The following EPHA3 variants were observed in gnomAD, a reference collection of about 807,000 sequenced individuals.
EPHA3 encodes the protein ephrin type-A receptor 3.
In EPHA3, 42 loss-of-function variants were observed where a neutral mutation model predicts 107.1. That is an observed-to-expected ratio of 0.39 (90% CI 0.31 to 0.51). EPHA3 has a LOEUF of 0.51. EPHA3 is among the 20% of genes least tolerant of loss of function. EPHA3 has a pLI of 0.78. For synonymous variants in EPHA3, 461 were observed against 424.8 expected (o/e 1.09, Z -1.05); for missense variants, 1,183 against 1,211.2 (o/e 0.98, Z 0.35).
intron 14 of EPHA3, 62 bp from the exon 15 acceptor site, chr3:89,450,115 C>T (rs571545983): frequency 5.3e-5 from 74 of 1,400,600 alleles, no homozygotes; most frequent in Non-Finnish European, 6.2e-5. Flanking sequence ...CCCATGAAAA[C>T]GTAAACTAAG....
chr3:89,131,863 A>T (rs1444043788), intron 2 of EPHA3, among the ~76,000 whole-genome samples: 1 of 152,174 alleles, frequency 6.6e-6, no homozygotes, highest in Non-Finnish European at 1.5e-5. Context: ...TTGCCCACCC[A>T]ATATCTGTTC....
chr3:89,299,264 A>C (rs1471355164), intron 3 of EPHA3, among the ~76,000 whole-genome samples: 2 of 152,100 alleles, frequency 1.3e-5, no homozygotes, highest in Non-Finnish European at 2.9e-5. Flanking sequence ...TATTATACTT[A>C]ATCAAGGTGG....
intron 2 of EPHA3, among the ~76,000 whole-genome samples, chr3:89,193,643 T>C (rs1705770064): frequency 3.3e-5 from 5 of 152,030 alleles, no homozygotes; most frequent in Admixed American, 3.3e-4. Flanking sequence ...CTCATTACCC[T>C]GATCTGTTCA....
At chr3:89,219,688 GTTTTTTTTTTTTTTGTTTTTTGTT>G (rs1428584900) in intron 3 of EPHA3, among the ~76,000 whole-genome samples, 1 of 34,440 alleles carries the variant, frequency 2.9e-5, no homozygotes, top group Non-Finnish European at 5.2e-5. Flanking sequence ...ATTTGGCAAT[GTTTTTTTTTTTTTTGTTTTTTGTT>G]TTTTTTTTTT....
intron 6 of EPHA3, among the ~76,000 whole-genome samples, chr3:89,398,777 C>A (rs1708898039): frequency 6.6e-6 from 1 of 152,138 alleles, no homozygotes; most frequent in Non-Finnish European, 1.5e-5. Context: ...GCTTTACATG[C>A]AGGACAGAAA....
chr3:89,140,569 A>G (rs1415385305), intron 2 of EPHA3, among the ~76,000 whole-genome samples: 1 of 151,734 alleles, frequency 6.6e-6, no homozygotes, highest in Non-Finnish European at 1.5e-5. Context: ...GAGCTTTATA[A>G]CTCCCAAAAA....
chr3:89,110,026 C>T (rs1464295925), intron 1 of EPHA3, among the ~76,000 whole-genome samples: 2 of 151,788 alleles, frequency 1.3e-5, no homozygotes, highest in African/African-American at 4.8e-5. Flanking sequence ...AAGTATGTGC[C>T]AAGATTTCCG....
rs762862387 is a variant in EPHA3, at chr3:89,395,995, AGGC to A, written c.1431+35_1431+37del. The stretch of plus-strand genomic sequence containing the variant: ...ACAATGTTTAAGGGTTGGGCTGTGT[AGGC>A]AAGAAGCTGTTTCCTCATGAGCTGT... On this transcript the variant is annotated intron_variant, in intron 6 of 16. Transcript: ENST00000336596. The A allele has an allele frequency of 1.9e-6, 3 of 1,609,272 alleles. No homozygotes were observed. The African/African-American group carries it at 4.0e-5, about 21-fold the overall frequency.
chr3:89,130,849 G>A (rs1468009672), intron 2 of EPHA3, among the ~76,000 whole-genome samples: 3 of 152,054 alleles, frequency 2.0e-5, no homozygotes, highest in Admixed American at 2.0e-4. Context: ...TGTAAGCCAA[G>A]ATGGACTCGA....
At chr3:89,408,394 A>G (rs759468200) in intron 9 of EPHA3, among the ~76,000 whole-genome samples, 14 of 152,170 alleles carry the variant, frequency 9.2e-5, no homozygotes, top group Non-Finnish European at 1.6e-4. Context: ...CATGCTAGGT[A>G]GTAGAAACTA....
chr3:89,393,672 C>T (rs1257771964), intron 5 of EPHA3, among the ~76,000 whole-genome samples: 1 of 152,072 alleles, frequency 6.6e-6, no homozygotes, highest in East Asian at 1.9e-4. Flanking sequence ...TAGATTTCCT[C>T]ATTGTAGAAA....
chr3:89,471,176 G>GA (rs529961766), intron 15 of EPHA3, among the ~76,000 whole-genome samples: 26,872 of 143,972 alleles, frequency 0.19, 2,896 homozygotes, highest in Non-Finnish European at 0.24. Context: ...AAGAGCTGAA[G>GA]AAAAAAAAAA....
Position 89,368,779 on chromosome 3 carries a change from G to A in EPHA3, c.1306+26689G>A, listed in dbSNP as rs1051122918. On this transcript the variant is annotated intron_variant, in intron 5 of 16. Transcript: ENST00000336596. ...ACTCAATCCATCTATTAAAATGCCC[G>A]TATCTTCTAGAAACACCCCCATAGA... Among the ~76,000 whole-genome samples, 19 of 149,866 alleles carry A rather than the reference G, an allele frequency of 1.3e-4. 1 individual carries two copies. The highest frequency in any genetic ancestry group is 2.7e-4 in the Non-Finnish European group (18 of 66,974).
Position 89,142,865 on chromosome 3 carries a change from A to G in EPHA3, c.153+15592A>G, listed in dbSNP as rs1182762088. Among the ~76,000 whole-genome samples, 4 of 151,420 alleles carry G rather than the reference A, an allele frequency of 2.6e-5. No individual in the cohort carries two copies. In the Admixed American group the frequency reaches 2.6e-4, roughly 10 times the overall value. The stretch of plus-strand genomic sequence containing the variant: ...TAGAGATCCCCTTTATGCCTTTTCA[A>G]AAAAGAGCATGGATCCGGCACAATG... On this transcript the variant is annotated intron_variant, in intron 2 of 16. Transcript: ENST00000336596.
chr3:89,359,453 T>G (rs1708039447), intron 5 of EPHA3, among the ~76,000 whole-genome samples: 1 of 150,578 alleles, frequency 6.6e-6, no homozygotes, highest in African/African-American at 2.4e-5. Context: ...ACATGCACAC[T>G]TTGTTGAGAA....
intron 2 of EPHA3, among the ~76,000 whole-genome samples, chr3:89,208,466 GAAAGAAAGAAA>G (rs1304606842): frequency 4.8e-4 from 61 of 128,030 alleles, no homozygotes; most frequent in Non-Finnish European, 7.0e-4. Context: ...AAGAAAGAAA[GAAAGAAAGAAA>G]GAAAGAGAAA....
chr3:89,331,479 C>T (rs1707287247), intron 3 of EPHA3, among the ~76,000 whole-genome samples: 1 of 152,050 alleles, frequency 6.6e-6, no homozygotes, highest in African/African-American at 2.4e-5. Context: ...TATTTAGCTG[C>T]TTTTCTAATT....
chr3:89,220,287 A>G (rs1323838635), intron 3 of EPHA3, among the ~76,000 whole-genome samples: 2 of 152,168 alleles, frequency 1.3e-5, no homozygotes, highest in Non-Finnish European at 2.9e-5. Context: ...GTGCTTCAGG[A>G]CACATTCGTT....
chr3:89,446,322 T>G (rs1709875148), intron 13 of EPHA3, among the ~76,000 whole-genome samples: 1 of 152,192 alleles, frequency 6.6e-6, no homozygotes, highest in African/African-American at 2.4e-5. Flanking sequence ...CCAACATTAT[T>G]ATGTCTGTAT....
Sources: gnomAD v4.1 joint callset for allele counts (sites outside exome capture counted in the v4.1 genomes callset) on GRCh38, gnomAD v4.1.1 for gene constraint, MANE v1.5 for transcripts, NCBI Gene and HGNC (gene_info 2026-07-23, HGNC 2026-07-21) for gene names.